The following NCAM2 variants were observed in gnomAD, a reference collection of about 807,000 sequenced individuals.
The protein encoded by NCAM2 is N-CAM-2.
NCAM2 carries 30 observed loss-of-function variants against 98.1 expected under a neutral mutation model. That is an observed-to-expected ratio of 0.31 (90% confidence interval 0.23 to 0.41). The LOEUF is 0.41. Among genes scored for constraint, NCAM2 ranks in the 10% least tolerant of loss-of-function variants. The pLI, the probability that NCAM2 is intolerant of heterozygous loss-of-function variation, is 1.00. For missense variants in NCAM2, 867 were observed against 1,005.8 expected (o/e 0.86, Z 1.87); for synonymous variants, 368 against 342.4 (o/e 1.07, Z -0.83).
intron 1 of NCAM2, among the ~76,000 whole-genome samples, chr21:21,272,325 A>T (rs1255718956): frequency 6.6e-6 from 1 of 152,280 alleles, no homozygotes; most frequent in East Asian, 1.9e-4. Flanking sequence ...CTAGTGTTGG[A>T]CTGGTAACCA....
intron 9 of NCAM2, among the ~76,000 whole-genome samples, chr21:21,374,259 T>TAAAA (rs1179068484): frequency 6.6e-6 from 1 of 151,860 alleles, no homozygotes; most frequent in Non-Finnish European, 1.5e-5. Context: ...TTTCTTTTTT[T>TAAAA]GCAACATTGA....
chr21:21,019,916 C>G (rs2146180124), intron 1 of NCAM2, among the ~76,000 whole-genome samples: 2 of 152,218 alleles, frequency 1.3e-5, no homozygotes, highest in East Asian at 3.9e-4. Flanking sequence ...TGGTGCAGGG[C>G]TTCATAGATG....
chr21:21,212,804 A>G (rs1015636372), intron 1 of NCAM2, among the ~76,000 whole-genome samples: 4 of 144,036 alleles, frequency 2.8e-5, no homozygotes, highest in South Asian at 4.3e-4. Context: ...GTGCAGTGGC[A>G]TGATCTTGGC....
intron 11 of NCAM2, among the ~76,000 whole-genome samples, 190 bp downstream of exon 11, chr21:21,418,759 C>T (rs1315539254): frequency 1.3e-5 from 2 of 152,040 alleles, no homozygotes; most frequent in African/African-American, 4.8e-5. Flanking sequence ...AGGGGTTACT[C>T]AGGGAGCATA....
chr21:21,119,338 C>T (rs947656250), intron 1 of NCAM2, among the ~76,000 whole-genome samples: 1 of 152,156 alleles, frequency 6.6e-6, no homozygotes, highest in Non-Finnish European at 1.5e-5. Context: ...ACTATGAGCT[C>T]AGATTTCTGG....
intron 4 of NCAM2, among the ~76,000 whole-genome samples, chr21:21,287,924 A>G (rs2073157544): frequency 6.6e-6 from 1 of 151,946 alleles, no homozygotes; most frequent in Non-Finnish European, 1.5e-5. Flanking sequence ...TTCATTTAAA[A>G]TAATGGCTTT....
intron 1 of NCAM2, among the ~76,000 whole-genome samples, chr21:21,079,969 A>G (rs2065757916): frequency 6.6e-6 from 1 of 152,212 alleles, no homozygotes; most frequent in Admixed American, 6.5e-5. Context: ...TCATGCTTTT[A>G]TTTAAAGATG....
At chr21:21,261,054 C>A (rs1356509123) in intron 1 of NCAM2, among the ~76,000 whole-genome samples, 1 of 151,860 alleles carries the variant, frequency 6.6e-6, no homozygotes, top group African/African-American at 2.4e-5. Flanking sequence ...AAGGGATACT[C>A]TTTTTGTATC....
At chr21:21,411,022 A>G (rs1249387121) in intron 10 of NCAM2, among the ~76,000 whole-genome samples, 1 of 90,320 alleles carries the variant, frequency 1.1e-5, no homozygotes, top group Non-Finnish European at 2.1e-5. Flanking sequence ...AAAAATATAT[A>G]TATATATATA....
In NCAM2 at chr21:21,117,265, T is replaced by G. The variant is rs535817388; in HGVS notation, c.55+118647T>G. Among the ~76,000 whole-genome samples, 6 of 152,326 alleles carry G rather than the reference T, an allele frequency of 3.9e-5. No homozygotes were observed. The South Asian group carries it at 1.2e-3, about 32-fold the overall frequency. On this transcript the variant is annotated intron_variant, in intron 1 of 17. Coordinates refer to ENST00000400546, the MANE Select transcript of NCAM2 (RefSeq NM_004540.5). ...ATCACTTTTCTACTCTCTGTTTCTA[T>G]GAGTTTGACTTTGTAAGATTCTATA...
chr21:21,483,993 A>G (rs181969803), intron 15 of NCAM2, among the ~76,000 whole-genome samples: 5 of 152,250 alleles, frequency 3.3e-5, no homozygotes, highest in East Asian at 1.9e-4. Context: ...AAATTACGGT[A>G]GAAAAAATTA....
intron 1 of NCAM2, among the ~76,000 whole-genome samples, chr21:21,088,817 A>C (rs915464046): frequency 1.3e-5 from 2 of 151,904 alleles, no homozygotes; most frequent in African/African-American, 4.8e-5. Context: ...AAAATACAAA[A>C]AAAAATTAGC....
intron 11 of NCAM2, among the ~76,000 whole-genome samples, chr21:21,429,604 G>A (rs886190099): frequency 2.0e-5 from 3 of 152,040 alleles, no homozygotes; most frequent in African/African-American, 7.3e-5. Context: ...AGTAAATTTT[G>A]GATCAAACCT....
intron 1 of NCAM2, among the ~76,000 whole-genome samples, chr21:21,136,550 C>T (rs1270428442): frequency 6.6e-6 from 1 of 151,912 alleles, no homozygotes; most frequent in Non-Finnish European, 1.5e-5. Flanking sequence ...CAACCTCCAC[C>T]TCCTGGGTTC....
chr21:21,250,739 CAG>C (rs1342752166), intron 1 of NCAM2, among the ~76,000 whole-genome samples: 1 of 152,112 alleles, frequency 6.6e-6, no homozygotes, highest in Non-Finnish European at 1.5e-5. Context: ...TAATCTATGA[CAG>C]AAAATTTCAA....
intron 1 of NCAM2, among the ~76,000 whole-genome samples, chr21:21,045,121 A>G (rs2064983497): frequency 6.6e-6 from 1 of 152,214 alleles, no homozygotes; most frequent in African/African-American, 2.4e-5. Flanking sequence ...TAGAATGTAC[A>G]TATTTTGATA....
At position 21,210,967 on chromosome 21, in the gene NCAM2, A is replaced by AACACACACACACAC. The variant is rs71195310; in HGVS notation, c.56-69568_56-69555dup. Reference sequence around the variant, plus strand: ...CAGGAGTTTACTAATACTCTCCCCAAACACACACACACACACACACACACA... The same window carrying AACACACACACACAC: ...CAGGAGTTTACTAATACTCTCCCCAAACACACACACACACACACACACACACACACACACACACA... On this transcript the variant is annotated intron_variant, in intron 1 of 17. Transcript: ENST00000400546. 2.3e-3 allele frequency among the ~76,000 whole-genome samples: 290 copies of AACACACACACACAC among 127,372 alleles called. 2 individuals are homozygous for AACACACACACACAC. Among genetic ancestry groups the AACACACACACACAC allele is most frequent in the African/African-American group, 5.7e-3 (177 of 30,888 alleles). 83.6% of individuals were successfully genotyped at this position (127,372 alleles called of 152,430 possible).
At position 21,286,403 on chromosome 21, in the gene NCAM2, A is replaced by G. The variant is rs373022329; in HGVS notation, c.472A>G (p.Ile158Val). 2.0e-5 allele frequency: 32 copies of G among 1,611,934 alleles called. No homozygotes were observed. The African/African-American group carries it at 3.9e-4, about 19-fold the overall frequency. Residue 158 changes from isoleucine (I) to valine (V), a missense_variant, in exon 4 of 18, where the codon ATT becomes GTT. Ile to Val is a conservative substitution (Grantham distance 29, BLOSUM62 3). Coordinates refer to ENST00000400546, the MANE Select transcript of NCAM2 (RefSeq NM_004540.5). Reference protein sequence around the residue: ...WLYHNEEVTTISDNRFAMLAN... With the variant: ...WLYHNEEVTTVSDNRFAMLAN... ...GTATCATAATGAGGAAGTCACCACT[A>G]TTTCCGACAGTTAGTATTTTGGTAA...
chr21:21,419,919 C>A (rs1195622639), intron 11 of NCAM2, among the ~76,000 whole-genome samples: 2 of 152,042 alleles, frequency 1.3e-5, no homozygotes, highest in South Asian at 2.1e-4. Context: ...AGTTCTAGAT[C>A]CCTGAGGAAT....
Sources: gnomAD v4.1 joint callset for allele counts (sites outside exome capture counted in the v4.1 genomes callset) on GRCh38, gnomAD v4.1.1 for gene constraint, MANE v1.5 for transcripts, NCBI Gene and HGNC (gene_info 2026-07-23, HGNC 2026-07-21) for gene names.